Variants in ST8SIA6 observed in about 807,000 individuals in gnomAD.
ST8SIA6 encodes ST8 alpha-N-acetyl-neuraminide alpha-2,8-sialyltransferase 6.
In ST8SIA6, 39 loss-of-function variants were observed where a neutral mutation model predicts 33.6. The observed-to-expected ratio is 1.16, with a 90% CI of 0.90 to 1.52. The LOEUF (loss-of-function observed/expected upper bound fraction) is 1.52. ST8SIA6 is among the 40% of genes most tolerant of loss of function. The pLI is 0.00. For missense variants in ST8SIA6, 441 were observed against 443.8 expected (o/e 0.99, Z 0.06); for synonymous variants, 172 against 167.2 (o/e 1.03, Z -0.22).
chr10:17,446,515 A>G (rs1852713045), intron 2 of ST8SIA6, among the ~76,000 whole-genome samples: 1 of 152,194 alleles, frequency 6.6e-6, no homozygotes, highest in East Asian at 1.9e-4. Flanking sequence ...AAATGTAACC[A>G]ATTTACTGTT....
chr10:17,407,806 C>G (rs946108074), intron 2 of ST8SIA6, among the ~76,000 whole-genome samples: 7 of 152,148 alleles, frequency 4.6e-5, no homozygotes, highest in Admixed American at 6.5e-5. Flanking sequence ...CCCTGACCGT[C>G]TTTTTCATAA....
intron 2 of ST8SIA6, among the ~76,000 whole-genome samples, chr10:17,425,305 A>G (rs1174825883): frequency 1.3e-5 from 2 of 152,086 alleles, no homozygotes; most frequent in Non-Finnish European, 2.9e-5. Flanking sequence ...TGGGTGGCTC[A>G]CACCTGTAAT....
chr10:17,436,596 C>T lies in ST8SIA6; in HGVS notation c.200+16963G>A, dbSNP rs1852268119. ...GTCCAAGTGTTCTCATTGTTCAATTCCCACCTATGAGTGAGAACATGCAGT... is the reference window on the plus strand; with the variant it reads ...GTCCAAGTGTTCTCATTGTTCAATTTCCACCTATGAGTGAGAACATGCAGT... On this transcript the variant is annotated intron_variant, in intron 2 of 7. Coordinates refer to ENST00000377602, the MANE Select transcript of ST8SIA6 (RefSeq NM_001004470.3). Among the ~76,000 whole-genome samples, 3 of 143,314 alleles carry T rather than the reference C, an allele frequency of 2.1e-5. No individual in the cohort carries two copies. In the South Asian group the frequency reaches 6.8e-4, roughly 33 times the overall value. The allele number at this position is 143,314 out of a possible 152,430, so 94.0% of individuals were successfully genotyped here.
At chr10:17,351,381 A>T (rs1849023753) in intron 4 of ST8SIA6, among the ~76,000 whole-genome samples, 1 of 151,214 alleles carries the variant, frequency 6.6e-6, no homozygotes, top group South Asian at 2.1e-4. Context: ...GGGTTAAAAA[A>T]AAAGTTAAAT....
At chr10:17,451,557 C>T (rs910324176) in intron 2 of ST8SIA6, among the ~76,000 whole-genome samples, 1 of 152,106 alleles carries the variant, frequency 6.6e-6, no homozygotes, top group Non-Finnish European at 1.5e-5. Context: ...CACTTTACCC[C>T]CTAAACCTAT....
Position 17,320,413 on chromosome 10 carries a change from C to G in ST8SIA6, c.*465G>C. ...TTTGCTTAAGTATATAATTTTCTTG[C>G]ATGCAGTCTTTGAGACAGAAAAATG... On this transcript the variant is annotated 3_prime_UTR_variant, in exon 8 of 8. Coordinates refer to ENST00000377602, the MANE Select transcript of ST8SIA6 (RefSeq NM_001004470.3). 6.4e-6 allele frequency: 1 copy of G among 156,252 alleles called. No individual in the cohort carries two copies. The highest frequency in any genetic ancestry group is 1.4e-5 in the Non-Finnish European group (1 of 70,566). 9.7% of individuals were successfully genotyped at this position (156,252 alleles called of 1,614,324 possible).
chr10:17,387,030 T>G (rs1036740012), intron 3 of ST8SIA6: 1 of 152,194 alleles, frequency 6.6e-6, no homozygotes, highest in Non-Finnish European at 1.5e-5. Context: ...ATGCTCCTCC[T>G]TGCTCCAAAG....
intron 3 of ST8SIA6, among the ~76,000 whole-genome samples, chr10:17,376,047 T>A (rs953779485): frequency 7.9e-5 from 12 of 152,170 alleles, no homozygotes; most frequent in Non-Finnish European, 1.6e-4. Flanking sequence ...AGACACTCCA[T>A]TCCCAAACAC....
intron 3 of ST8SIA6, among the ~76,000 whole-genome samples, chr10:17,388,547 G>A (rs79193933): frequency 6.6e-6 from 1 of 152,174 alleles, no homozygotes; most frequent in Non-Finnish European, 1.5e-5. Flanking sequence ...ATTAGGAAGA[G>A]AAAGTGAAAA....
At chr10:17,353,843 T>C (rs1047774960) in intron 4 of ST8SIA6, among the ~76,000 whole-genome samples, 1 of 152,154 alleles carries the variant, frequency 6.6e-6, no homozygotes, top group Non-Finnish European at 1.5e-5. Flanking sequence ...GCTCATCTCT[T>C]TGAAACCTGA....
intron 2 of ST8SIA6, among the ~76,000 whole-genome samples, chr10:17,427,968 C>T (rs893245490): frequency 6.6e-6 from 1 of 152,172 alleles, no homozygotes; most frequent in East Asian, 1.9e-4. Flanking sequence ...TTTGAGTAGG[C>T]AAGAAGTACA....
At chr10:17,328,346 A>G (rs535181139) in intron 5 of ST8SIA6, among the ~76,000 whole-genome samples, 66 of 152,266 alleles carry the variant, frequency 4.3e-4, no homozygotes, top group Non-Finnish European at 7.5e-4. Context: ...AATTTCCAAG[A>G]CCTGAATCTT....
chr10:17,382,548 G>A (rs1372104656), intron 3 of ST8SIA6, among the ~76,000 whole-genome samples: 1 of 152,220 alleles, frequency 6.6e-6, no homozygotes, highest in African/African-American at 2.4e-5. Context: ...TTACAGGCGT[G>A]AGCCACCGCA....
chr10:17,316,095 T>A lies in ST8SIA6; in HGVS notation c.*4783A>T, dbSNP rs1371662945. On this transcript the variant is annotated 3_prime_UTR_variant, in exon 8 of 8. Transcript: ENST00000377602. ...TCATATGTGAGTATAAGAATATATATGTCAAAGGCTTGCTGTATTAAATAT... is the reference window on the plus strand; with the variant it reads ...TCATATGTGAGTATAAGAATATATAAGTCAAAGGCTTGCTGTATTAAATAT... Among the ~76,000 whole-genome samples the A allele has an allele frequency of 1.3e-5, 2 of 152,020 alleles. No individual in the cohort carries two copies. Among genetic ancestry groups the A allele is most frequent in the African/African-American group, 4.8e-5 (2 of 41,440 alleles).
At chr10:17,335,942 TA>T (rs1348271555) in intron 4 of ST8SIA6, among the ~76,000 whole-genome samples, 3 of 148,728 alleles carry the variant, frequency 2.0e-5, no homozygotes, top group African/African-American at 7.7e-5. Flanking sequence ...TTTAAAACAT[TA>T]ATAGAGTTTT....
intron 4 of ST8SIA6, among the ~76,000 whole-genome samples, chr10:17,359,208 A>C (rs10904935): frequency 0.2 from 31,093 of 152,186 alleles, 3,522 homozygotes; most frequent in East Asian, 0.51. Flanking sequence ...CTAAACAAAT[A>C]AATACTAAAT....
At chr10:17,338,635 A>G (rs892557629) in intron 4 of ST8SIA6, among the ~76,000 whole-genome samples, 8 of 152,226 alleles carry the variant, frequency 5.3e-5, no homozygotes, top group African/African-American at 1.7e-4. Flanking sequence ...TAAATGCTTC[A>G]AAGCCTGTAT....
rs1374820775 is a variant in ST8SIA6, at chr10:17,321,481, T to C, written c.729-135A>G. ...TACTGTATATAAAACAGATAAAGTG[T>C]GGACTCAGAGAAAACTCATTCAAGT... On this transcript the variant is annotated intron_variant, in intron 7 of 7. Transcript: ENST00000377602. 8 of 664,322 alleles carry C rather than the reference T, an allele frequency of 1.2e-5. No homozygotes were observed. In the East Asian group the frequency reaches 2.2e-4, roughly 18 times the overall value. 41.2% of individuals were successfully genotyped at this position (664,322 alleles called of 1,614,324 possible). A position where few individuals can be genotyped will look rare whatever the true frequency, so the allele number is the denominator to read the frequency against.
chr10:17,321,400 A>G, intron 7 of ST8SIA6, 54 bp from the exon 8 acceptor site: 1 of 1,406,220 alleles, frequency 7.1e-7, no homozygotes, highest in Non-Finnish European at 9.6e-7. Context: ...TCAAAGTAGC[A>G]GTTTTGATAA....
Sources: gnomAD v4.1 joint callset for allele counts (sites outside exome capture counted in the v4.1 genomes callset) on GRCh38, gnomAD v4.1.1 for gene constraint, MANE v1.5 for transcripts, NCBI Gene and HGNC (gene_info 2026-07-23, HGNC 2026-07-21) for gene names.